The following AK5 variants were observed in gnomAD, a reference collection of about 807,000 sequenced individuals.
AK5 encodes adenylate kinase 5.
In AK5, 27 loss-of-function variants were observed where a neutral mutation model predicts 69.5. The observed-to-expected ratio is 0.39, with a 90% confidence interval of 0.29 to 0.54. The LOEUF (loss-of-function observed/expected upper bound fraction) is 0.54. Ranked by LOEUF, AK5 falls within the 20% of genes least tolerant of loss-of-function variation. The probability of loss-of-function intolerance (pLI) is 0.71; values close to 1 mark genes in which losing one functional copy is unlikely to be tolerated. For missense variants in AK5, 531 were observed against 700.4 expected, an observed-to-expected ratio of 0.76 and a Z score of 2.73; for synonymous variants, 260 against 244.4, an observed-to-expected ratio of 1.06 and a Z score of -0.60.
chr1:77,426,770 A>G (rs1376521068), intron 8 of AK5, among the ~76,000 whole-genome samples: 2 of 152,224 alleles, frequency 1.3e-5, no homozygotes, highest in African/African-American at 4.8e-5. Flanking sequence ...TTAAAAGAAT[A>G]TAAATCATAC....
At chr1:77,389,239 CAT>C (rs1472232614) in intron 6 of AK5, among the ~76,000 whole-genome samples, 1 of 152,180 alleles carries the variant, frequency 6.6e-6, no homozygotes, top group Non-Finnish European at 1.5e-5. Context: ...GCCAAGACCA[CAT>C]CTGCCTGAGA....
At chr1:77,313,723 G>C (rs1051424698) in intron 5 of AK5, 1 of 471,462 alleles carries the variant, frequency 2.1e-6, no homozygotes, top group Non-Finnish European at 4.3e-6. Context: ...TTTGCTTTCC[G>C]TACCCTGTGG....
intron 6 of AK5, among the ~76,000 whole-genome samples, chr1:77,407,523 G>C (rs1390722176): frequency 2.0e-5 from 3 of 152,178 alleles, no homozygotes; most frequent in Non-Finnish European, 2.9e-5. Flanking sequence ...TTCCAAAGGG[G>C]CATGAGGAGT....
chr1:77,522,403 C>T (rs1317386084), intron 12 of AK5, among the ~76,000 whole-genome samples: 5 of 152,102 alleles, frequency 3.3e-5, no homozygotes, highest in Non-Finnish European at 7.4e-5. Flanking sequence ...AGAGGGAATA[C>T]GCTGGCTGGC....
chr1:77,489,224 C>A (rs1655823204), intron 10 of AK5, among the ~76,000 whole-genome samples: 1 of 151,962 alleles, frequency 6.6e-6, no homozygotes, highest in Non-Finnish European at 1.5e-5. Context: ...TCCAAGGGTC[C>A]ACAGACCACC....
intron 8 of AK5, among the ~76,000 whole-genome samples, chr1:77,443,230 T>C: frequency 6.6e-6 from 1 of 152,168 alleles, no homozygotes; most frequent in East Asian, 1.9e-4. Flanking sequence ...GTGTTTGGGA[T>C]TTCAGATTTT....
chr1:77,450,985 G>A (rs1472911413), intron 8 of AK5, among the ~76,000 whole-genome samples: 1 of 152,068 alleles, frequency 6.6e-6, no homozygotes, highest in African/African-American at 2.4e-5. Context: ...AGACCAGCCT[G>A]GGCAACATAG....
chr1:77,502,857 G>A (rs1274763482), intron 10 of AK5, among the ~76,000 whole-genome samples: 1 of 152,096 alleles, frequency 6.6e-6, no homozygotes. Context: ...AATCCCTCTT[G>A]GACTACTCAC....
At chr1:77,503,427 T>C (rs1350840677) in intron 10 of AK5, among the ~76,000 whole-genome samples, 5 of 152,304 alleles carry the variant, frequency 3.3e-5, no homozygotes, top group East Asian at 3.9e-4. Flanking sequence ...ATTGGCTAAA[T>C]TTAAAGGGGT....
intron 13 of AK5, among the ~76,000 whole-genome samples, chr1:77,553,765 C>T (rs796070869): frequency 9.2e-5 from 14 of 152,234 alleles, no homozygotes; most frequent in African/African-American, 3.4e-4. Context: ...CCCGTCCCTG[C>T]TACAGGGGAG....
intron 8 of AK5, among the ~76,000 whole-genome samples, chr1:77,465,116 G>C (rs562152745): frequency 1.3e-4 from 20 of 152,110 alleles, no homozygotes; most frequent in Non-Finnish European, 2.2e-4. Context: ...TGCAAGGTTT[G>C]AATCCTGATG....
At chr1:77,388,844 G>T (rs1459219175) in intron 6 of AK5, among the ~76,000 whole-genome samples, 2 of 152,164 alleles carry the variant, frequency 1.3e-5, no homozygotes, top group Middle Eastern at 3.2e-3. Flanking sequence ...TTTTGACGTG[G>T]TGACTGGAAG....
chr1:77,442,491 C>A (rs1471262038), intron 8 of AK5, among the ~76,000 whole-genome samples: 5 of 152,074 alleles, frequency 3.3e-5, no homozygotes, highest in African/African-American at 1.2e-4. Flanking sequence ...CTCTTGCTTA[C>A]TTTTTCCCTA....
At chr1:77,287,778 G>T (rs1658445197) in intron 2 of AK5, among the ~76,000 whole-genome samples, 1 of 152,226 alleles carries the variant, frequency 6.6e-6, no homozygotes, top group Admixed American at 6.5e-5. Flanking sequence ...GTGAGGTACA[G>T]AATGGCTGGA....
intron 8 of AK5, among the ~76,000 whole-genome samples, chr1:77,481,387 A>G (rs1256094854): frequency 6.6e-6 from 1 of 152,216 alleles, no homozygotes; most frequent in African/African-American, 2.4e-5. Context: ...TTGAGGAATA[A>G]TTGATGTTTT....
chr1:77,414,057 C>T (rs1346642751), intron 7 of AK5, among the ~76,000 whole-genome samples: 8 of 152,164 alleles, frequency 5.3e-5, no homozygotes, highest in African/African-American at 1.9e-4. Context: ...TTATAGGAGA[C>T]ATTTAATGTT....
At chr1:77,406,268 A>G (rs752359102) in intron 6 of AK5, among the ~76,000 whole-genome samples, 1 of 130,626 alleles carries the variant, frequency 7.7e-6, no homozygotes, top group Non-Finnish European at 1.6e-5. Context: ...GGTAGAAGGG[A>G]AACAAATGCA....
chr1:77,523,832 C>G (rs889160519), intron 12 of AK5, among the ~76,000 whole-genome samples: 4 of 151,946 alleles, frequency 2.6e-5, no homozygotes, highest in African/African-American at 9.7e-5. Context: ...CCCAGCTAAA[C>G]TTTTTGATTT....
At chr1:77,480,676 C>G (rs1172543619) in intron 8 of AK5, among the ~76,000 whole-genome samples, 1 of 152,156 alleles carries the variant, frequency 6.6e-6, no homozygotes, top group East Asian at 1.9e-4. Context: ...AGCTGTTTGA[C>G]AAACAATAAG....
Sources: allele counts gnomAD v4.1 joint callset (sites outside exome capture counted in the v4.1 genomes callset), GRCh38; gene constraint gnomAD v4.1.1; transcripts MANE v1.5; gene names NCBI Gene and HGNC (gene_info 2026-07-23, HGNC 2026-07-21).